EPHX2: variants seen among roughly 807,000 people sequenced by gnomAD.
EPHX2 encodes bifunctional epoxide hydrolase 2.
Under a neutral mutation model 78.7 loss-of-function variants are expected in EPHX2, and 74 were observed. The observed-to-expected ratio is 0.94, with a 90% CI of 0.78 to 1.14. The LOEUF is 1.14. Ranked by LOEUF, EPHX2 falls within the 50% of genes most tolerant of loss-of-function variation. EPHX2 has a pLI of 0.00. For synonymous variants in EPHX2, 251 were observed against 255.2 expected (o/e 0.98, Z 0.16); for missense variants, 715 against 702.5 (o/e 1.02, Z -0.20).
chr8:27,494,137 T>C (rs905371114), intron 1 of EPHX2, among the ~76,000 whole-genome samples: 1 of 152,134 alleles, frequency 6.6e-6, no homozygotes, highest in Non-Finnish European at 1.5e-5. Context: ...TGGAGGTGTT[T>C]GGGTGACTCA....
chr8:27,495,150 G>A (rs1813528097), intron 1 of EPHX2, among the ~76,000 whole-genome samples: 1 of 152,222 alleles, frequency 6.6e-6, no homozygotes, highest in Admixed American at 6.5e-5. Context: ...ATTTAATGGG[G>A]GTTCCCCTGG....
At chr8:27,530,743 T>C (rs1815008117) in intron 12 of EPHX2, among the ~76,000 whole-genome samples, 1 of 151,746 alleles carries the variant, frequency 6.6e-6, no homozygotes, top group Non-Finnish European at 1.5e-5. Context: ...GCTTTAACTA[T>C]TGTTACTTTA....
intron 18 of EPHX2, 74 bp from the exon 19 acceptor site, chr8:27,544,370 C>A (rs1815515558): frequency 1.3e-6 from 2 of 1,596,944 alleles, no homozygotes; most frequent in Admixed American, 3.3e-5. Context: ...CTCACCTCTG[C>A]CTTCGAGTTG....
chr8:27,499,424 T>C (rs1327514646), intron 1 of EPHX2, among the ~76,000 whole-genome samples: 1 of 152,178 alleles, frequency 6.6e-6, no homozygotes, highest in Non-Finnish European at 1.5e-5. Flanking sequence ...ATTAGGTATA[T>C]GTCTCCATAT....
At chr8:27,526,580 G>A (rs995987661) in intron 12 of EPHX2, among the ~76,000 whole-genome samples, 2 of 152,122 alleles carry the variant, frequency 1.3e-5, no homozygotes, top group African/African-American at 4.8e-5. Flanking sequence ...ACAAAGGCTA[G>A]GTAGCTCAAC....
intron 10 of EPHX2, 149 bp downstream of exon 10, chr8:27,521,058 A>G: frequency 1.2e-6 from 1 of 832,698 alleles, no homozygotes; most frequent in Admixed American, 2.1e-5. Context: ...GGCAGGGAAA[A>G]TCACAAAAAC....
In EPHX2 at chr8:27,544,831, G is replaced by A; in HGVS notation, c.*309G>A. 2.9e-6 allele frequency: 1 copy of A among 346,724 alleles called. No individual in the cohort carries two copies. Among genetic ancestry groups the A allele is most frequent in the South Asian group, 5.6e-5 (1 of 17,832 alleles). The allele number at this position is 346,724 out of a possible 1,614,324, so 21.5% of individuals were successfully genotyped here. On this transcript the variant is annotated 3_prime_UTR_variant, in exon 19 of 19. Transcript: ENST00000521400. ...AGGTGGTGATTTCTCTTTGACCAAT[G>A]CATAGTTTGGCAGAAAAATCAGCCG...
At chr8:27,535,125 G>A (rs1218338681) in intron 12 of EPHX2, among the ~76,000 whole-genome samples, 1 of 152,188 alleles carries the variant, frequency 6.6e-6, no homozygotes, top group Non-Finnish European at 1.5e-5. Context: ...AATTCCCTCT[G>A]GTAGCACTAG....
At chr8:27,503,166 T>G (rs1813863276) in intron 2 of EPHX2, among the ~76,000 whole-genome samples, 1 of 152,156 alleles carries the variant, frequency 6.6e-6, no homozygotes. Context: ...ATCTGTGAAA[T>G]AGAAGGCAAG....
Position 27,544,252 on chromosome 8 carries a change from G to A in EPHX2, c.1589+8G>A, listed in dbSNP as rs1382586384. On this transcript the variant is annotated splice_region_variant and intron_variant, in intron 18 of 18. Coordinates refer to ENST00000521400, the MANE Select transcript of EPHX2 (RefSeq NM_001979.6). ...CTGGACACAGATGGACAAGTAAGGA[G>A]GTTGGGGGCTCCTGGGGTCGGGGAG... 6.2e-7 allele frequency: 1 copy of A among 1,614,210 alleles called. No homozygotes were observed. Among genetic ancestry groups the A allele is most frequent in the South Asian group, 1.1e-5 (1 of 91,086 alleles).
At chr8:27,518,863 G>A (rs986871508) in intron 9 of EPHX2, among the ~76,000 whole-genome samples, 3 of 152,276 alleles carry the variant, frequency 2.0e-5, no homozygotes, top group Admixed American at 1.3e-4. Flanking sequence ...GCACTCTGCT[G>A]CTTCTGATCC....
Position 27,520,888 on chromosome 8 carries a change from G to A in EPHX2, c.951G>A (p.Met317Ile), listed in dbSNP as rs1286057806. The A allele has an allele frequency of 5.0e-6, 8 of 1,614,190 alleles. No homozygotes were observed. The highest frequency in any genetic ancestry group is 6.8e-6 in the Non-Finnish European group (8 of 1,180,042). The change falls in exon 10 of 19, where the codon ATG becomes ATA. Residue 317 changes from methionine (M) to isoleucine (I), a missense_variant. Physicochemically the swap from Met to Ile is conservative, Grantham distance 10. Coordinates refer to ENST00000521400, the MANE Select transcript of EPHX2 (RefSeq NM_001979.6). ...GTGTGTGTCTTCTTCCTTAGGAGAT[G>A]GTAACCTTCCTGGATAAACTGGTAA... ...EYCMEVLCKE[M>I]VTFLDKLGLS...
chr8:27,522,272 G>A (rs929172289), intron 10 of EPHX2, 151 bp from the exon 11 acceptor site: 45 of 631,870 alleles, frequency 7.1e-5, no homozygotes, highest in Non-Finnish European at 1.2e-4. Context: ...GCTGGTGGAG[G>A]GAGGAGAGGC....
chr8:27,492,512 C>G (rs891371625), intron 1 of EPHX2, among the ~76,000 whole-genome samples: 1 of 152,124 alleles, frequency 6.6e-6, no homozygotes, highest in Non-Finnish European at 1.5e-5. Flanking sequence ...AAGAATGGAG[C>G]TGTGGACCTT....
At chr8:27,498,254 G>C (rs943455568) in intron 1 of EPHX2, among the ~76,000 whole-genome samples, 1 of 152,186 alleles carries the variant, frequency 6.6e-6, no homozygotes, top group African/African-American at 2.4e-5. Context: ...GATAGCCCGG[G>C]GGTTTTATGG....
At chr8:27,530,067 CT>C (rs34619047) in intron 12 of EPHX2, among the ~76,000 whole-genome samples, 45,731 of 144,752 alleles carry the variant, frequency 0.32, 10,986 homozygotes, top group African/African-American at 0.69. Flanking sequence ...GTCTCTCTCT[CT>C]TTTTTTTTTT....
At chr8:27,500,725 G>GATTTACTGT (rs1475835830) in intron 1 of EPHX2, among the ~76,000 whole-genome samples, 3 of 152,200 alleles carry the variant, frequency 2.0e-5, no homozygotes, top group Non-Finnish European at 4.4e-5. Flanking sequence ...AACATACTGT[G>GATTTACTGT]ATTTACTGTA....
chr8:27,497,032 T>C (rs1813597725), intron 1 of EPHX2, among the ~76,000 whole-genome samples: 1 of 152,172 alleles, frequency 6.6e-6, no homozygotes, highest in African/African-American at 2.4e-5. Context: ...GAAAAATAGC[T>C]GGTTACAGGC....
At chr8:27,492,645 G>A (rs534270780) in intron 1 of EPHX2, among the ~76,000 whole-genome samples, 10 of 152,308 alleles carry the variant, frequency 6.6e-5, no homozygotes, top group East Asian at 3.9e-4. Context: ...GCAGGTTGCC[G>A]CTACTGGCTG....
Sources: allele counts gnomAD v4.1 joint callset (sites outside exome capture counted in the v4.1 genomes callset), GRCh38; gene constraint gnomAD v4.1.1; transcripts MANE v1.5; gene names NCBI Gene and HGNC (gene_info 2026-07-23, HGNC 2026-07-21).